SMS: variants seen among roughly 807,000 people sequenced by gnomAD.
SMS encodes spermidine aminopropyltransferase.
SMS carries 3 observed loss-of-function variants against 33.0 expected under a neutral mutation model. That is an observed-to-expected ratio of 0.09 (90% CI 0.04 to 0.23). The LOEUF is 0.23. Among genes scored for constraint, SMS ranks in the 10% least tolerant of loss-of-function variants. The pLI, the probability that SMS is intolerant of heterozygous loss-of-function variation, is 1.00. For synonymous variants in SMS, 103 were observed against 112.2 expected, an observed-to-expected ratio of 0.92 and a Z score of 0.52; for missense variants, 117 against 288.6, an observed-to-expected ratio of 0.41 and a Z score of 4.31.
chrX:21,940,745 G>C lies in SMS; in HGVS notation c.-80G>C. ...CCCCGGGCGCAGCACACTCCCAGCC[G>C]GCCGCAGCCTGACACGCCGCGCGGC... On this transcript the variant is annotated 5_prime_UTR_variant, in exon 1 of 11. Transcript: ENST00000404933. The C allele has an allele frequency of 1.2e-6, 1 of 838,490 alleles. No homozygotes were observed. Among genetic ancestry groups the C allele is most frequent in the Non-Finnish European group, 1.6e-6 (1 of 608,966 alleles). 69.1% of individuals were successfully genotyped at this position (838,490 alleles called of 1,213,427 possible).
intron 1 of SMS, among the ~76,000 whole-genome samples, chrX:21,963,497 A>G (rs1923498612): frequency 1.8e-5 from 2 of 112,300 alleles, no homozygotes; most frequent in South Asian, 7.4e-4. Context: ...AATACTTCAA[A>G]TCGGATTTCT....
At chrX:21,993,723 C>A (rs1925907051) in intron 10 of SMS, among the ~76,000 whole-genome samples, 2 of 112,651 alleles carry the variant, frequency 1.8e-5, no homozygotes, top group Non-Finnish European at 3.8e-5. Context: ...GCATCTCCTA[C>A]CAACTGTCCA....
intron 10 of SMS, 89 bp from the exon 11 acceptor site, chrX:21,994,211 GCTTTTCATCCAT>G: frequency 1.3e-6 from 1 of 796,312 alleles, no homozygotes. Context: ...AAGCCATGAA[GCTTTTCATCCAT>G]CTTTCAATTT....
Position 21,985,196 on chromosome X carries a change from G to A in SMS, c.918G>A (p.Leu306=). The change falls in exon 9 of 11, where the codon TTG becomes TTA. Residue 306 remains leucine, a synonymous_variant. Coordinates refer to ENST00000404933, the MANE Select transcript of SMS (RefSeq NM_004595.5). The part of the protein sequence containing the change: ...RLILDLSMKV[L]KQDGKYFTQG... ...TTCTTGACCTCTCAATGAAAGTGTTGAAACAGGATGGGAAATATTTTACAC... is the reference window on the plus strand; with the variant it reads ...TTCTTGACCTCTCAATGAAAGTGTTAAAACAGGATGGGAAATATTTTACAC... 1 of 1,179,520 alleles carries A rather than the reference G, an allele frequency of 8.5e-7. No homozygotes were observed. Among genetic ancestry groups the A allele is most frequent in the African/African-American group, 1.7e-5 (1 of 57,246 alleles).
At position 21,945,233 on chromosome X, in the gene SMS, A is replaced by G. The variant is rs189588974; in HGVS notation, c.49+4360A>G. Among the ~76,000 whole-genome samples, 59 of 111,902 alleles carry G rather than the reference A, an allele frequency of 5.3e-4. 1 individual carries two copies. The highest frequency in any genetic ancestry group is 2.3e-4 in the Non-Finnish European group (12 of 53,197). ...AAATAGACCAAGTTTATGTTATGGT[A>G]AAGGTGGAATGCTGGTTCATGTCCA... On this transcript the variant is annotated intron_variant, in intron 1 of 10. Transcript: ENST00000404933.
At chrX:21,977,310 T>TA in intron 5 of SMS, 74 bp downstream of exon 5, 1 of 936,335 alleles carries the variant, frequency 1.1e-6, no homozygotes, top group Admixed American at 2.2e-5. Flanking sequence ...TCCTGACAAT[T>TA]ACTACTGTCG....
Position 21,946,593 on chromosome X carries a change from A to C in SMS, c.49+5720A>C, listed in dbSNP as rs746178928. 1.1e-4 allele frequency among the ~76,000 whole-genome samples: 12 copies of C among 111,412 alleles called. No individual in the cohort carries two copies. In the South Asian group the frequency reaches 4.1e-3, roughly 38 times the overall value. ...GCTGGTTCTGCTTCCACGATTCTGA[A>C]GCCTCTTAGTTTAAGGCGGTGATTC... On this transcript the variant is annotated intron_variant, in intron 1 of 10. Transcript: ENST00000404933.
intron 1 of SMS, among the ~76,000 whole-genome samples, chrX:21,949,253 A>G (rs1922446137): frequency 8.9e-6 from 1 of 112,313 alleles, no homozygotes; most frequent in Non-Finnish European, 1.9e-5. Flanking sequence ...GGTGCTAATG[A>G]TACTAAAATC....
chrX:21,963,581 T>C (rs750974819), intron 1 of SMS, among the ~76,000 whole-genome samples: 1 of 112,023 alleles, frequency 8.9e-6, no homozygotes, highest in Non-Finnish European at 1.9e-5. Context: ...TTCTGTTAAT[T>C]GTGCCAGTTA....
intron 9 of SMS, among the ~76,000 whole-genome samples, chrX:21,990,661 C>A (rs777173657): frequency 4.4e-5 from 5 of 112,394 alleles, no homozygotes; most frequent in Non-Finnish European, 5.6e-5. Flanking sequence ...TATTTTCTTA[C>A]CACAGTCTGT....
At chrX:21,966,114 C>T (rs1017633180) in intron 1 of SMS, among the ~76,000 whole-genome samples, 1 of 112,182 alleles carries the variant, frequency 8.9e-6, no homozygotes. Flanking sequence ...CCTTAACTTC[C>T]CAGTTCTAGT....
intron 9 of SMS, among the ~76,000 whole-genome samples, chrX:21,986,307 C>T (rs1449987578): frequency 1.1e-5 from 1 of 88,706 alleles, no homozygotes; most frequent in Admixed American, 1.5e-4. Flanking sequence ...GAGATTGCAC[C>T]ACTGTACTCC....
At position 21,994,522 on chromosome X, in the gene SMS, G is replaced by A. The variant is rs1473342413; in HGVS notation, c.*171G>A. The A allele has an allele frequency of 4.8e-6, 5 of 1,052,176 alleles. No individual in the cohort carries two copies. The Admixed American group carries it at 1.2e-4, about 26-fold the overall frequency. The allele number at this position is 1,052,176 out of a possible 1,213,427, so 86.7% of individuals were successfully genotyped here. A position where few individuals can be genotyped will look rare whatever the true frequency, so the allele number is the denominator to read the frequency against. Reference sequence around the variant, plus strand: ...AAATGGAAAATGTATATTTTGATGAGCTTAGGGTGTTTTTTTTTTGAAAGT... The same window carrying A: ...AAATGGAAAATGTATATTTTGATGAACTTAGGGTGTTTTTTTTTTGAAAGT... On this transcript the variant is annotated 3_prime_UTR_variant, in exon 11 of 11. Transcript: ENST00000404933.
chrX:21,954,399 G>A (rs1001866634), intron 1 of SMS, among the ~76,000 whole-genome samples: 1 of 112,326 alleles, frequency 8.9e-6, no homozygotes, highest in South Asian at 3.6e-4. Context: ...CCATCTAGGT[G>A]CAATGATTTT....
intron 1 of SMS, among the ~76,000 whole-genome samples, chrX:21,958,708 C>T (rs1455235884): frequency 8.9e-6 from 1 of 112,250 alleles, no homozygotes; most frequent in Non-Finnish European, 1.9e-5. Flanking sequence ...TAAAGTTTTG[C>T]TCTTGTTGCC....
chrX:21,955,018 C>T (rs940104112), intron 1 of SMS, among the ~76,000 whole-genome samples: 2 of 111,017 alleles, frequency 1.8e-5, no homozygotes, highest in African/African-American at 6.6e-5. Context: ...TATATTTTAG[C>T]AGAGACGGAG....
chrX:21,981,285 A>C (rs1040311050), intron 7 of SMS, among the ~76,000 whole-genome samples: 13 of 108,291 alleles, frequency 1.2e-4, no homozygotes, highest in Non-Finnish European at 1.9e-5. Context: ...GCACCACTGC[A>C]CTCCAGCCTG....
At position 21,943,142 on chromosome X, in the gene SMS, G is replaced by T. The variant is rs187942185; in HGVS notation, c.49+2269G>T. 6.8e-3 allele frequency among the ~76,000 whole-genome samples: 764 copies of T among 111,703 alleles called. 6 individuals are homozygous for T. Among genetic ancestry groups the T allele is most frequent in the African/African-American group, 0.024 (729 of 30,729 alleles). ...GATTACAGGCATGAGCCACCGTGCC[G>T]GTGTGTCCATGGGTTTTCTTTTATG... On this transcript the variant is annotated intron_variant, in intron 1 of 10. Transcript: ENST00000404933.
At chrX:21,957,955 ATTTG>A (rs1206559763) in intron 1 of SMS, among the ~76,000 whole-genome samples, 2 of 90,802 alleles carry the variant, frequency 2.2e-5, no homozygotes, top group Admixed American at 1.1e-4. Flanking sequence ...TGATGGGAAT[ATTTG>A]TTTTTTTTTT....
Sources: allele counts gnomAD v4.1 joint callset (sites outside exome capture counted in the v4.1 genomes callset), GRCh38; gene constraint gnomAD v4.1.1; transcripts MANE v1.5; gene names NCBI Gene and HGNC (gene_info 2026-07-23, HGNC 2026-07-21).